PCNX1: variants seen among roughly 807,000 people sequenced by gnomAD.
PCNX1 encodes pecanex-like protein 1.
A neutral mutation model predicts 242.2 loss-of-function variants in PCNX1; 78 were observed. The observed-to-expected ratio is 0.32, with a 90% confidence interval of 0.27 to 0.39. The LOEUF (loss-of-function observed/expected upper bound fraction) is 0.39. Ranked by LOEUF, PCNX1 falls within the 10% of genes least tolerant of loss-of-function variation. The pLI is 1.00. For missense variants in PCNX1, 2,581 were observed against 2,856.5 expected, an observed-to-expected ratio of 0.90 and a Z score of 2.20; for synonymous variants, 1,024 against 1,032.9, an observed-to-expected ratio of 0.99 and a Z score of 0.17.
At chr14:70,947,382 A>ACCC (rs2057499028) in intron 2 of PCNX1, among the ~76,000 whole-genome samples, 1 of 152,136 alleles carries the variant, frequency 6.6e-6, no homozygotes. Flanking sequence ...GAAGACAGGG[A>ACCC]CCCCGAACAG....
chr14:70,936,790 C>T (rs995799880), intron 1 of PCNX1, among the ~76,000 whole-genome samples: 2 of 152,136 alleles, frequency 1.3e-5, no homozygotes, highest in Non-Finnish European at 2.9e-5. Flanking sequence ...CTCTCCAGCA[C>T]CTGTTGTTTC....
chr14:71,007,068 T>G (rs1172028382), intron 8 of PCNX1, among the ~76,000 whole-genome samples: 1 of 152,170 alleles, frequency 6.6e-6, no homozygotes, highest in Non-Finnish European at 1.5e-5. Flanking sequence ...TTTAGACATA[T>G]TTATGCTTCT....
chr14:71,030,943 T>C (rs1238290549), intron 16 of PCNX1, among the ~76,000 whole-genome samples: 1 of 152,224 alleles, frequency 6.6e-6, no homozygotes, highest in African/African-American at 2.4e-5. Context: ...AGATTTCTTT[T>C]TTTTACATTT....
chr14:71,089,054 C>A, intron 29 of PCNX1, 138 bp from the exon 30 acceptor site: 1 of 613,442 alleles, frequency 1.6e-6, no homozygotes, highest in Non-Finnish European at 2.8e-6. Context: ...GATTCTGGTT[C>A]AGGGTTCTGA....
chr14:71,063,178 C>T (rs1304499017), intron 26 of PCNX1, among the ~76,000 whole-genome samples: 4 of 152,146 alleles, frequency 2.6e-5, no homozygotes, highest in African/African-American at 9.7e-5. Flanking sequence ...AAGGGTTGGC[C>T]TACTTATTCT....
chr14:71,040,625 G>A (rs1324008016), intron 19 of PCNX1, among the ~76,000 whole-genome samples: 1 of 152,022 alleles, frequency 6.6e-6, no homozygotes, highest in South Asian at 2.1e-4. Flanking sequence ...TAAATGGGGT[G>A]TAATAATTAC....
intron 9 of PCNX1, among the ~76,000 whole-genome samples, chr14:71,010,622 G>T (rs572334124): frequency 3.3e-5 from 5 of 151,982 alleles, no homozygotes; most frequent in African/African-American, 1.2e-4. Context: ...TAACATTTTT[G>T]TTTTCTAAAA....
Position 71,110,106 on chromosome 14 carries a change from C to T in PCNX1, c.*171C>T. On this transcript the variant is annotated 3_prime_UTR_variant, in exon 36 of 36. Transcript: ENST00000304743. ...TCTCCTTTGCCCTTCACCCTGACTCCTGTCACTGTCTCCATCCCCAAATAA... is the reference window on the plus strand; with the variant it reads ...TCTCCTTTGCCCTTCACCCTGACTCTTGTCACTGTCTCCATCCCCAAATAA... The T allele has an allele frequency of 1.4e-6, 1 of 692,886 alleles. No individual in the cohort carries two copies. The highest frequency in any genetic ancestry group is 2.6e-6 in the Non-Finnish European group (1 of 381,880). 42.9% of individuals were successfully genotyped at this position (692,886 alleles called of 1,614,324 possible). A position where few individuals can be genotyped will look rare whatever the true frequency, so the allele number is the denominator to read the frequency against.
chr14:71,107,357 AT>A (rs563833062), intron 33 of PCNX1, among the ~76,000 whole-genome samples: 37 of 150,100 alleles, frequency 2.5e-4, no homozygotes, highest in African/African-American at 7.8e-4. Context: ...GGTTTTTGTA[AT>A]TTTTTTTTTA....
At chr14:71,003,451 A>C (rs994333512) in intron 8 of PCNX1, among the ~76,000 whole-genome samples, 2 of 152,004 alleles carry the variant, frequency 1.3e-5, no homozygotes, top group Admixed American at 6.6e-5. Context: ...AATACAACTT[A>C]TTTGTCAGAT....
intron 28 of PCNX1, among the ~76,000 whole-genome samples, chr14:71,078,216 CTCTTT>C (rs1463334797): frequency 1.3e-5 from 2 of 152,192 alleles, no homozygotes; most frequent in African/African-American, 4.8e-5. Context: ...GCTCTAGTTT[CTCTTT>C]TAAGTTGAAC....
intron 28 of PCNX1, among the ~76,000 whole-genome samples, chr14:71,086,846 C>G (rs2062004861): frequency 6.6e-6 from 1 of 152,152 alleles, no homozygotes; most frequent in African/African-American, 2.4e-5. Flanking sequence ...TGTAGGGCTA[C>G]CTCATTTGTT....
chr14:71,052,544 A>G (rs1228081117), intron 24 of PCNX1, among the ~76,000 whole-genome samples: 1 of 151,862 alleles, frequency 6.6e-6, no homozygotes, highest in Non-Finnish European at 1.5e-5. Flanking sequence ...ATTTTTAAAC[A>G]TTGTTCTGAT....
Position 71,042,607 on chromosome 14 carries a change from TA to T in PCNX1, c.3868-2513del, listed in dbSNP as rs553114288. ...TAGGCAGCATATAATTGGCTGTTTT[TA>T]AAAAAAAAAAAATTTAAGCAGAGTG... On this transcript the variant is annotated intron_variant, in intron 19 of 35. Transcript: ENST00000304743. 5.1e-3 allele frequency among the ~76,000 whole-genome samples: 764 copies of T among 148,892 alleles called. 2 individuals are homozygous for T. The highest frequency in any genetic ancestry group is 0.015 in the African/African-American group (623 of 40,818).
At chr14:71,066,424 A>G (rs1235883772) in intron 26 of PCNX1, among the ~76,000 whole-genome samples, 7 of 151,584 alleles carry the variant, frequency 4.6e-5, no homozygotes, top group Admixed American at 1.3e-4. Flanking sequence ...TGTTATTGGT[A>G]TATAGGAATG....
intron 26 of PCNX1, among the ~76,000 whole-genome samples, chr14:71,068,493 C>CAT (rs1491261501): frequency 6.7e-6 from 1 of 148,448 alleles, no homozygotes; most frequent in South Asian, 2.1e-4. Flanking sequence ...TACACACACA[C>CAT]ATATATATGT....
At chr14:71,053,378 C>A (rs544282351) in intron 24 of PCNX1, 1 of 424,098 alleles carries the variant, frequency 2.4e-6, no homozygotes, top group African/African-American at 2.1e-5. Flanking sequence ...AGTGCAATGG[C>A]GCCATCTTGA....
chr14:71,083,840 C>T (rs1438560910), intron 28 of PCNX1, among the ~76,000 whole-genome samples: 1 of 152,108 alleles, frequency 6.6e-6, no homozygotes, highest in Non-Finnish European at 1.5e-5. Flanking sequence ...TGTTCTGAAG[C>T]CTACTTCTGT....
chr14:71,097,427 A>G (rs565180344), intron 30 of PCNX1, among the ~76,000 whole-genome samples: 4 of 152,334 alleles, frequency 2.6e-5, no homozygotes, highest in South Asian at 2.1e-4. Context: ...TCAACAGTGT[A>G]TAAGCATTCC....
Sources: allele counts gnomAD v4.1 joint callset (sites outside exome capture counted in the v4.1 genomes callset), GRCh38; gene constraint gnomAD v4.1.1; transcripts MANE v1.5; gene names NCBI Gene and HGNC (gene_info 2026-07-23, HGNC 2026-07-21).